Variants in MECOM observed in about 807,000 individuals in gnomAD.
The protein encoded by MECOM is MDS1 and EVI1 complex locus, also known as histone-lysine N-methyltransferase MECOM.
MECOM carries 13 observed loss-of-function variants against 116.3 expected under a neutral mutation model. That is an observed-to-expected ratio of 0.11 (90% CI 0.07 to 0.18). The LOEUF is 0.18. Ranked by LOEUF, MECOM falls within the 10% of genes least tolerant of loss-of-function variation. MECOM has a pLI of 1.00. For missense variants in MECOM, 1,299 were observed against 1,509.0 expected (o/e 0.86, Z 2.31); for synonymous variants, 528 against 535.2 (o/e 0.99, Z 0.19).
intron 1 of MECOM, chr3:169,614,873 C>T (rs1454294918): frequency 2.0e-5 from 3 of 152,202 alleles, no homozygotes; most frequent in Admixed American, 6.5e-5. Context: ...GCACCCGCTT[C>T]GGGAAGACAG....
intron 2 of MECOM, among the ~76,000 whole-genome samples, chr3:169,224,306 A>G (rs1332865791): frequency 6.6e-6 from 1 of 152,194 alleles, no homozygotes; most frequent in Admixed American, 6.5e-5. Flanking sequence ...GCAGTGATAG[A>G]GCATGCAATA....
intron 1 of MECOM, among the ~76,000 whole-genome samples, chr3:169,589,783 A>C (rs1426729210): frequency 6.6e-6 from 1 of 152,172 alleles, no homozygotes; most frequent in African/African-American, 2.4e-5. Context: ...AGAAAAATCT[A>C]TCTATCTGCC....
chr3:169,394,194 A>G (rs1403161914), intron 1 of MECOM, among the ~76,000 whole-genome samples: 1 of 152,222 alleles, frequency 6.6e-6, no homozygotes, highest in Non-Finnish European at 1.5e-5. Context: ...GATCCAACAT[A>G]TGCCACAAAA....
chr3:169,147,487 G>C, intron 2 of MECOM: 1 of 985,464 alleles, frequency 1.0e-6, no homozygotes, highest in Non-Finnish European at 1.2e-6. Flanking sequence ...GAAGCCAGAC[G>C]GGCTCCTCTT....
intron 2 of MECOM, among the ~76,000 whole-genome samples, chr3:169,353,089 TA>T (rs1726660365): frequency 6.6e-6 from 1 of 151,926 alleles, no homozygotes; most frequent in Non-Finnish European, 1.5e-5. Flanking sequence ...AACAAGTTGC[TA>T]AAACACTGCT....
chr3:169,510,075 C>T (rs549515341), intron 1 of MECOM, among the ~76,000 whole-genome samples: 207 of 152,324 alleles, frequency 1.4e-3, no homozygotes, highest in South Asian at 2.1e-3. Context: ...ACACGTGCAC[C>T]GTGCCAGTTA....
intron 1 of MECOM, chr3:169,477,101 GTGTGTATATATATATATA>G (rs1333445595): frequency 3.5e-4 from 18 of 51,656 alleles, no homozygotes; most frequent in Non-Finnish European, 4.4e-4. Context: ...GTGTGTGTGT[GTGTGTATATATATATATA>G]TATATATATA....
intron 2 of MECOM, among the ~76,000 whole-genome samples, chr3:169,360,394 T>G (rs986736787): frequency 6.7e-6 from 1 of 148,424 alleles, no homozygotes; most frequent in Non-Finnish European, 1.5e-5. Context: ...AAGGCAATGA[T>G]GAACAGCATA....
At position 169,499,618 on chromosome 3, in the gene MECOM, GA is replaced by G. The variant is rs11423483; in HGVS notation, c.38-118095del. Among the ~76,000 whole-genome samples the G allele has an allele frequency of 2.1e-4, 32 of 150,222 alleles. No individual in the cohort carries two copies. In the East Asian group the frequency reaches 2.5e-3, roughly 12 times the overall value. On this transcript the variant is annotated intron_variant, in intron 1 of 16. Coordinates refer to ENST00000651503, the MANE Select transcript of MECOM (RefSeq NM_004991.4). ...CTAAACAATTTACTTCGACCAGGGG[GA>G]AAAAAAAAGAATGGGATGCAAGGAA...
At chr3:169,457,658 C>A (rs1314581032) in intron 1 of MECOM, among the ~76,000 whole-genome samples, 1 of 152,150 alleles carries the variant, frequency 6.6e-6, no homozygotes, top group Non-Finnish European at 1.5e-5. Context: ...TAAATGGAAT[C>A]TCTGATATTC....
chr3:169,322,081 A>G (rs922269604), intron 2 of MECOM, among the ~76,000 whole-genome samples: 4 of 152,182 alleles, frequency 2.6e-5, no homozygotes, highest in African/African-American at 9.7e-5. Context: ...CCCCTTGTCA[A>G]CACCATCATT....
chr3:169,402,856 G>A (rs529425666), intron 1 of MECOM, among the ~76,000 whole-genome samples: 1 of 152,216 alleles, frequency 6.6e-6, no homozygotes, highest in African/African-American at 2.4e-5. Context: ...TTCACAAAGT[G>A]TTTGCCAGGT....
At chr3:169,482,196 T>C (rs1751394333) in intron 1 of MECOM, among the ~76,000 whole-genome samples, 2 of 152,156 alleles carry the variant, frequency 1.3e-5, no homozygotes, top group Admixed American at 6.5e-5. Context: ...TCACAGTCTG[T>C]ACTTCCCTTA....
At chr3:169,160,236 A>C (rs1050889440) in intron 2 of MECOM, among the ~76,000 whole-genome samples, 1 of 152,152 alleles carries the variant, frequency 6.6e-6, no homozygotes, top group African/African-American at 2.4e-5. Context: ...GTGTCTAAAC[A>C]CTAAGCCAGG....
intron 1 of MECOM, among the ~76,000 whole-genome samples, chr3:169,419,356 G>A (rs1485138098): frequency 6.6e-6 from 1 of 152,026 alleles, no homozygotes; most frequent in Non-Finnish European, 1.5e-5. Context: ...TCCCCATCAG[G>A]CTACCATTGA....
chr3:169,391,677 A>T (rs1734215527), intron 1 of MECOM, among the ~76,000 whole-genome samples: 1 of 152,228 alleles, frequency 6.6e-6, no homozygotes, highest in Non-Finnish European at 1.5e-5. Flanking sequence ...ACCAAATAGC[A>T]CTTATAATTT....
intron 2 of MECOM, among the ~76,000 whole-genome samples, chr3:169,276,049 T>C (rs976104685): frequency 5.9e-5 from 9 of 152,172 alleles, no homozygotes; most frequent in African/African-American, 2.2e-4. Flanking sequence ...CACTTGAATA[T>C]ATTTAGCACT....
At chr3:169,107,853 G>A (rs1725942598) in intron 10 of MECOM, 73 bp downstream of exon 10, 3 of 1,269,174 alleles carry the variant, frequency 2.4e-6, no homozygotes, top group South Asian at 2.5e-5. Context: ...TGTCTGTACA[G>A]CAATTTAGAA....
intron 2 of MECOM, among the ~76,000 whole-genome samples, chr3:169,187,261 T>C (rs1746906086): frequency 6.6e-6 from 1 of 152,108 alleles, no homozygotes; most frequent in Non-Finnish European, 1.5e-5. Flanking sequence ...ACCTCTCACC[T>C]TACTGACAGA....
Sources: allele counts gnomAD v4.1 joint callset (sites outside exome capture counted in the v4.1 genomes callset), GRCh38; gene constraint gnomAD v4.1.1; transcripts MANE v1.5; gene names NCBI Gene and HGNC (gene_info 2026-07-23, HGNC 2026-07-21).